Variants in SGPP2 observed in about 807,000 individuals in gnomAD.
SGPP2 encodes sphingosine 1-phosphate phosphohydrolase 2.
SGPP2 carries 30 observed loss-of-function variants against 33.9 expected under a neutral mutation model. That is an observed-to-expected ratio of 0.89 (90% CI 0.66 to 1.20). The LOEUF is 1.20. Ranked by LOEUF, SGPP2 falls within the 50% of genes most tolerant of loss-of-function variation. SGPP2 has a pLI of 0.00. For synonymous variants in SGPP2, 233 were observed against 225.0 expected (o/e 1.04, Z -0.32); for missense variants, 458 against 532.1 (o/e 0.86, Z 1.37).
At position 222,550,556 on chromosome 2, in the gene SGPP2, G is replaced by A. The variant is rs1211564938; in HGVS notation, c.649-7791G>A. ...TAGGATCATACTTTCTGTAAAGCTT[G>A]TATTCTGTTTAAAACATCTCACTTA... On this transcript the variant is annotated intron_variant, in intron 4 of 4. Coordinates refer to ENST00000321276, the MANE Select transcript of SGPP2 (RefSeq NM_152386.4). This position sits in a 1 kb window ranked among gnomAD's most constrained non-coding sequence, Gnocchi z 4.5. 6.6e-6 allele frequency among the ~76,000 whole-genome samples: 1 copy of A among 152,096 alleles called. No homozygotes were observed. The highest frequency in any genetic ancestry group is 1.5e-5 in the Non-Finnish European group (1 of 68,004).
chr2:222,527,351 G>A (rs941270658), intron 4 of SGPP2, among the ~76,000 whole-genome samples: 10 of 152,284 alleles, frequency 6.6e-5, no homozygotes, highest in Admixed American at 2.0e-4. Context: ...AACTGAACCC[G>A]CTGTGACTCT....
intron 4 of SGPP2, among the ~76,000 whole-genome samples, chr2:222,548,586 CCACT>C (rs1211623796): frequency 6.6e-6 from 1 of 152,170 alleles, no homozygotes; most frequent in Non-Finnish European, 1.5e-5. Context: ...GACAGAGTGC[CCACT>C]CAAAGACCCA....
Position 222,474,619 on chromosome 2 carries a change from C to G in SGPP2, c.271C>G (p.Gln91Glu). Residue 91 changes from glutamine to glutamate, a missense_variant, in exon 2 of 5, where the codon CAA becomes GAA. Transcript: ENST00000321276. ...GAATTATTTCTACTATTACCTATTC[C>G]AATTTTCAGCTGCTTTGGGCCAAGA... ...VKNYFYYYLF[Q>E]FSAALGQEVF... The G allele has an allele frequency of 6.2e-7, 1 of 1,613,998 alleles. No homozygotes were observed. The highest frequency in any genetic ancestry group is 8.5e-7 in the Non-Finnish European group (1 of 1,179,970).
At chr2:222,539,467 C>T (rs1698960831) in intron 4 of SGPP2, among the ~76,000 whole-genome samples, 1 of 152,206 alleles carries the variant, frequency 6.6e-6, no homozygotes, top group Admixed American at 6.5e-5. Flanking sequence ...GCACAGAGAT[C>T]ATTGCTATAC....
Position 222,499,648 on chromosome 2 carries a change from TG to T in SGPP2, c.379-22114del, listed in dbSNP as rs1364131882. Among the ~76,000 whole-genome samples, 5 of 152,034 alleles carry T rather than the reference TG, an allele frequency of 3.3e-5. No individual in the cohort carries two copies. In the South Asian group the frequency reaches 1.0e-3, roughly 32 times the overall value. On this transcript the variant is annotated intron_variant, in intron 2 of 4. Transcript: ENST00000321276. The stretch of plus-strand genomic sequence containing the variant: ...TTGGGGGAAACACAAGTTGGGGCAT[TG>T]GGGGAAAGACAGTCTTTCTGAGGAA...
At chr2:222,435,894 G>T (rs755948138) in intron 1 of SGPP2, among the ~76,000 whole-genome samples, 1 of 152,162 alleles carries the variant, frequency 6.6e-6, no homozygotes, top group Non-Finnish European at 1.5e-5. Flanking sequence ...TCAGCAGGTC[G>T]TGGTTTTTTT....
At chr2:222,430,419 T>G (rs1356107112) in intron 1 of SGPP2, among the ~76,000 whole-genome samples, 1 of 152,338 alleles carries the variant, frequency 6.6e-6, no homozygotes, top group East Asian at 1.9e-4. Context: ...TACCTTAATT[T>G]TCTTAAAGAA....
intron 1 of SGPP2, among the ~76,000 whole-genome samples, chr2:222,455,129 G>A (rs1697552004): frequency 2.0e-5 from 3 of 152,118 alleles, no homozygotes; most frequent in Admixed American, 6.5e-5. Flanking sequence ...CAGCTACTTG[G>A]GAGGCCAAGG....
chr2:222,527,333 T>C (rs1287976251), intron 4 of SGPP2, among the ~76,000 whole-genome samples: 1 of 152,220 alleles, frequency 6.6e-6, no homozygotes, highest in Non-Finnish European at 1.5e-5. Context: ...TTGATGGTGA[T>C]GGTTTGGAAC....
intron 1 of SGPP2, among the ~76,000 whole-genome samples, chr2:222,438,188 C>T (rs968836066): frequency 1.3e-5 from 2 of 152,202 alleles, no homozygotes; most frequent in African/African-American, 4.8e-5. Context: ...GCAACTTATT[C>T]TTCACTTTAG....
At position 222,528,142 on chromosome 2, in the gene SGPP2, C is replaced by T. The variant is rs556368332; in HGVS notation, c.648+3109C>T. On this transcript the variant is annotated intron_variant, in intron 4 of 4. Coordinates refer to ENST00000321276, the MANE Select transcript of SGPP2 (RefSeq NM_152386.4). ...CAACCATAGCTGCATATTCAAACCC[C>T]ATGGGAAGCTTCTAAAAAAATCTCT... is the stretch of plus-strand genomic sequence containing the variant. Among the ~76,000 whole-genome samples, 7 of 152,268 alleles carry T rather than the reference C, an allele frequency of 4.6e-5. 1 individual carries two copies. In the East Asian group the frequency reaches 1.2e-3, roughly 25 times the overall value.
intron 2 of SGPP2, among the ~76,000 whole-genome samples, chr2:222,506,598 A>G (rs1245317665): frequency 6.6e-6 from 1 of 152,154 alleles, no homozygotes; most frequent in African/African-American, 2.4e-5. Flanking sequence ...AACAAACAAA[A>G]TATGTGTTCA....
At chr2:222,425,613 A>C (rs1457496809) in intron 1 of SGPP2, among the ~76,000 whole-genome samples, 1 of 152,222 alleles carries the variant, frequency 6.6e-6, no homozygotes, top group African/African-American at 2.4e-5. Context: ...GACGGGCTGC[A>C]CTTGGCTTCT....
intron 1 of SGPP2, among the ~76,000 whole-genome samples, chr2:222,462,583 G>A (rs1697679784): frequency 6.6e-6 from 1 of 152,046 alleles, no homozygotes; most frequent in African/African-American, 2.4e-5. Context: ...CTAGAGAAAT[G>A]CTCACAATGT....
intron 2 of SGPP2, among the ~76,000 whole-genome samples, chr2:222,487,805 G>A (rs552893097): frequency 3.9e-5 from 6 of 152,196 alleles, no homozygotes; most frequent in South Asian, 2.1e-4. Context: ...ATCTGCAACC[G>A]CTTGCAAATA....
At chr2:222,552,330 G>GTGT (rs1210494393) in intron 4 of SGPP2, among the ~76,000 whole-genome samples, 7 of 152,204 alleles carry the variant, frequency 4.6e-5, no homozygotes, top group African/African-American at 1.7e-4. Context: ...CCCACCAGCA[G>GTGT]TGTAGAAGTG....
intron 1 of SGPP2, among the ~76,000 whole-genome samples, chr2:222,426,189 G>C (rs1273798483): frequency 8.6e-6 from 1 of 116,268 alleles, no homozygotes; most frequent in African/African-American, 3.3e-5. Flanking sequence ...CAGCCAGGGC[G>C]ACTGAGCGAG....
At chr2:222,432,089 C>G (rs561123962) in intron 1 of SGPP2, among the ~76,000 whole-genome samples, 1 of 152,178 alleles carries the variant, frequency 6.6e-6, no homozygotes, top group Non-Finnish European at 1.5e-5. Context: ...AAGAAGATAG[C>G]AGTCAATTTC....
At chr2:222,451,305 T>C (rs1332682516) in intron 1 of SGPP2, among the ~76,000 whole-genome samples, 1 of 152,244 alleles carries the variant, frequency 6.6e-6, no homozygotes, top group African/African-American at 2.4e-5. Flanking sequence ...AGTTTCTTCA[T>C]GTGACCTAAA....
Sources: gnomAD v4.1 joint callset for allele counts (sites outside exome capture counted in the v4.1 genomes callset) on GRCh38, gnomAD v4.1.1 for gene constraint, Gnocchi (gnomAD v3.1) non-coding constraint, MANE v1.5 for transcripts, NCBI Gene and HGNC (gene_info 2026-07-23, HGNC 2026-07-21) for gene names.